Variants in LRRN1 observed in about 807,000 individuals in gnomAD.
LRRN1 encodes the protein leucine rich repeat neuronal 1.
In LRRN1, 14 loss-of-function variants were observed where a neutral mutation model predicts 45.8. The observed-to-expected ratio is 0.31, with a 90% CI of 0.20 to 0.48. The LOEUF (loss-of-function observed/expected upper bound fraction) is 0.48, where lower values mean the gene tolerates loss of function less well. LRRN1 is among the 20% of genes least tolerant of loss of function. The pLI, the probability that LRRN1 is intolerant of heterozygous loss-of-function variation, is 0.99. For synonymous variants in LRRN1, 359 were observed against 330.1 expected, an observed-to-expected ratio of 1.09 and a Z score of -0.95; for missense variants, 789 against 874.2, an observed-to-expected ratio of 0.90 and a Z score of 1.23.
Position 3,845,394 on chromosome 3 carries a change from G to A in LRRN1, c.753G>A (p.Leu251=). ...LESLSFYDNK[L]VKVPQLALQK... ...GCCTGTCTTTTTATGATAACAAACT[G>A]GTTAAAGTCCCTCAACTTGCCCTGC... Residue 251 remains leucine, a synonymous_variant, in exon 2 of 2, where the codon CTG becomes CTA. Transcript: ENST00000319331. The surrounding 1 kb of genome is among the most constrained non-coding windows in gnomAD (Gnocchi z 6.5). 1.2e-6 allele frequency: 2 copies of A among 1,614,010 alleles called. No individual in the cohort carries two copies. The highest frequency in any genetic ancestry group is 1.7e-6 in the Non-Finnish European group (2 of 1,179,980).
intron 1 of LRRN1, among the ~76,000 whole-genome samples, chr3:3,824,000 G>A (rs1331808743): frequency 3.3e-5 from 5 of 152,144 alleles, no homozygotes; most frequent in Non-Finnish European, 7.4e-5. Flanking sequence ...CCAGAGGTAA[G>A]GACTCAGGTC....
chr3:3,843,624 AG>A (rs1257576584), intron 1 of LRRN1, among the ~76,000 whole-genome samples: 1 of 150,622 alleles, frequency 6.6e-6, no homozygotes, highest in African/African-American at 2.4e-5. Context: ...CTGTCCCTGC[AG>A]GTTGTCCTAT....
At chr3:3,843,604 A>G (rs1035147184) in intron 1 of LRRN1, among the ~76,000 whole-genome samples, 2 of 150,504 alleles carry the variant, frequency 1.3e-5, no homozygotes, top group African/African-American at 4.9e-5. Flanking sequence ...GGCAACTACT[A>G]AATTACTTTC....
At chr3:3,844,242 G>A (rs866254549) in intron 1 of LRRN1, 122 bp from the exon 2 acceptor site, 14 of 158,150 alleles carry the variant, frequency 8.9e-5, no homozygotes, top group Middle Eastern at 6.5e-3. Flanking sequence ...ATCTTCAATG[G>A]ATTTTGAATG....
intron 1 of LRRN1, among the ~76,000 whole-genome samples, chr3:3,808,154 A>T (rs1234254461): frequency 6.6e-6 from 1 of 152,130 alleles, no homozygotes; most frequent in African/African-American, 2.4e-5. Flanking sequence ...TGCAAATGAG[A>T]TGCTTTAGTG....
intron 1 of LRRN1, among the ~76,000 whole-genome samples, chr3:3,834,525 G>GATATATATATATATGAT (rs1553563058): frequency 1.5e-4 from 4 of 27,328 alleles, no homozygotes; most frequent in East Asian, 1.3e-3. Flanking sequence ...GACAGAACAG[G>GATATATATATATATGAT]ATATATATAT....
intron 1 of LRRN1, among the ~76,000 whole-genome samples, chr3:3,836,927 T>G (rs1693531840): frequency 6.6e-6 from 1 of 152,190 alleles, no homozygotes; most frequent in African/African-American, 2.4e-5. Context: ...TGTACCTGTG[T>G]TGGGCCAAAC....
chr3:3,845,391 A>G lies in LRRN1; in HGVS notation c.750A>G (p.Lys250=), dbSNP rs1693744399. Residue 250 remains lysine (K), a synonymous_variant, in exon 2 of 2, where the codon AAA becomes AAG. Coordinates refer to ENST00000319331, the MANE Select transcript of LRRN1 (RefSeq NM_020873.7). The surrounding 1 kb of genome is among the most constrained non-coding windows in gnomAD (Gnocchi z 6.5). ...SLESLSFYDN[K]LVKVPQLALQ... The stretch of plus-strand genomic sequence containing the variant: ...AGAGCCTGTCTTTTTATGATAACAA[A>G]CTGGTTAAAGTCCCTCAACTTGCCC... 1 of 1,614,128 alleles carries G rather than the reference A, an allele frequency of 6.2e-7. No individual in the cohort carries two copies. Among genetic ancestry groups the G allele is most frequent in the African/African-American group, 1.3e-5 (1 of 75,036 alleles).
chr3:3,844,848 C>T lies in LRRN1; in HGVS notation c.207C>T (p.Asn69=). The T allele has an allele frequency of 1.9e-6, 3 of 1,614,184 alleles. No individual in the cohort carries two copies. The highest frequency in any genetic ancestry group is 2.5e-6 in the Non-Finnish European group (3 of 1,180,028). The change falls in exon 2 of 2, where the codon AAC becomes AAT. Residue 69 remains asparagine (N), a synonymous_variant. Transcript: ENST00000319331. The stretch of plus-strand genomic sequence containing the variant: ...TCCGCTTAACAAGGATTCCCAGTAA[C>T]CTCTCTAGTGACACACAAGTGCTTC... ...NDLRLTRIPS[N]LSSDTQVLLL... is the part of the protein sequence containing the mutation.
At chr3:3,818,347 T>A (rs1225644771) in intron 1 of LRRN1, among the ~76,000 whole-genome samples, 2 of 152,198 alleles carry the variant, frequency 1.3e-5, no homozygotes, top group Non-Finnish European at 2.9e-5. Flanking sequence ...TGGTAGTTTT[T>A]AATAACTACA....
intron 1 of LRRN1, among the ~76,000 whole-genome samples, chr3:3,828,754 G>C (rs1693290862): frequency 6.6e-6 from 1 of 152,122 alleles, no homozygotes; most frequent in Non-Finnish European, 1.5e-5. Flanking sequence ...TAAATCTTAT[G>C]TCACATGATA....
chr3:3,807,289 GA>G (rs1422641718), intron 1 of LRRN1, among the ~76,000 whole-genome samples: 3 of 152,166 alleles, frequency 2.0e-5, no homozygotes, highest in Non-Finnish European at 4.4e-5. Flanking sequence ...TAGAAAATGG[GA>G]CAACCCAGAA....
chr3:3,843,577 C>G (rs1021147138), intron 1 of LRRN1, among the ~76,000 whole-genome samples: 1 of 151,594 alleles, frequency 6.6e-6, no homozygotes, highest in Non-Finnish European at 1.5e-5. Context: ...GTACCCCCCC[C>G]CATACCCCTG....
intron 1 of LRRN1, chr3:3,827,525 G>T (rs1018550329): frequency 4.4e-6 from 2 of 456,184 alleles, no homozygotes; most frequent in Admixed American, 4.7e-5. Context: ...AGGCAAGAAG[G>T]AAATCTTGGT....
At chr3:3,823,935 C>T (rs1340474263) in intron 1 of LRRN1, among the ~76,000 whole-genome samples, 1 of 152,166 alleles carries the variant, frequency 6.6e-6, no homozygotes, top group Non-Finnish European at 1.5e-5. Flanking sequence ...TTCAGCCCAG[C>T]CTCATCATTT....
chr3:3,846,578 C>A lies in LRRN1; in HGVS notation c.1937C>A (p.Ala646Glu), dbSNP rs773309234. The A allele has an allele frequency of 1.2e-6, 2 of 1,614,086 alleles. No homozygotes were observed. Among genetic ancestry groups the A allele is most frequent in the South Asian group, 1.1e-5 (1 of 91,078 alleles). Residue 646 changes from alanine (A) to glutamate (E), a missense_variant, in exon 2 of 2, where the codon GCG (alanine) becomes GAG (glutamate). Ala to Glu is a moderately radical substitution (Grantham distance 107). Coordinates refer to ENST00000319331, the MANE Select transcript of LRRN1 (RefSeq NM_020873.7). This position sits in a 1 kb window ranked among gnomAD's most constrained non-coding sequence, Gnocchi z 5.7. Reference sequence around the variant, plus strand: ...TCTATGTTTGCCGTCATTAGCCTTGCGTCCATTGCTGTGTACTTTGCCAAA... The same window carrying A: ...TCTATGTTTGCCGTCATTAGCCTTGAGTCCATTGCTGTGTACTTTGCCAAA... ...MGSMFAVISLASIAVYFAKRF... is the reference protein window; with the variant it reads ...MGSMFAVISLESIAVYFAKRF...
intron 1 of LRRN1, among the ~76,000 whole-genome samples, chr3:3,810,501 A>G (rs182496478): frequency 4.6e-5 from 7 of 152,330 alleles, no homozygotes; most frequent in African/African-American, 1.7e-4. Context: ...TTAGGACCAG[A>G]TTAGAACAGT....
intron 1 of LRRN1, among the ~76,000 whole-genome samples, chr3:3,804,800 A>ATGACC (rs1404735288): frequency 6.6e-6 from 1 of 151,886 alleles, no homozygotes; most frequent in Non-Finnish European, 1.5e-5. Flanking sequence ...TACATGTGAC[A>ATGACC]TCCTTCTATG....
chr3:3,805,113 T>G (rs114321547), intron 1 of LRRN1, among the ~76,000 whole-genome samples: 91 of 152,348 alleles, frequency 6.0e-4, no homozygotes, highest in Non-Finnish European at 1.2e-3. Context: ...ATAGTCATTT[T>G]CAATTTGCAG....
Sources: gnomAD v4.1 joint callset for allele counts (sites outside exome capture counted in the v4.1 genomes callset) on GRCh38, gnomAD v4.1.1 for gene constraint, Gnocchi (gnomAD v3.1) non-coding constraint, MANE v1.5 for transcripts, NCBI Gene and HGNC (gene_info 2026-07-23, HGNC 2026-07-21) for gene names.